The following UBE2E1 variants were observed in gnomAD, a reference collection of about 807,000 sequenced individuals.
The protein encoded by UBE2E1 is ubiquitin-conjugating enzyme E2 E1.
Under a neutral mutation model 21.4 loss-of-function variants are expected in UBE2E1, and 6 were observed. The observed-to-expected ratio is 0.28, with a 90% CI of 0.15 to 0.55. The LOEUF is 0.55. UBE2E1 is among the 20% of genes least tolerant of loss of function. The pLI is 0.93. For synonymous variants in UBE2E1, 87 were observed against 82.7 expected (o/e 1.05, Z -0.28); for missense variants, 142 against 236.5 (o/e 0.60, Z 2.62).
Position 23,815,184 on chromosome 3 carries a change from A to AT in UBE2E1, c.203+3676dup, listed in dbSNP as rs369046316. 5.2e-3 allele frequency among the ~76,000 whole-genome samples: 798 copies of AT among 152,188 alleles called. 8 individuals carry two copies. The highest frequency in any genetic ancestry group is 0.018 in the African/African-American group (751 of 41,540). On this transcript the variant is annotated intron_variant, in intron 3 of 5. Transcript: ENST00000306627. ...TTTTTGTAGAGACCAGGTTTTACCTATTGGCCAGGCTGATCTTAAACTCCT... is the reference window on the plus strand; with the variant it reads ...TTTTTGTAGAGACCAGGTTTTACCTATTTGGCCAGGCTGATCTTAAACTCCT...
intron 3 of UBE2E1, among the ~76,000 whole-genome samples, chr3:23,827,899 T>C (rs1430874481): frequency 1.3e-5 from 2 of 152,178 alleles, no homozygotes; most frequent in African/African-American, 2.4e-5. Flanking sequence ...CCAGCTTTTA[T>C]ATTTCCATCT....
intron 3 of UBE2E1, among the ~76,000 whole-genome samples, chr3:23,812,892 TATTAA>T (rs1269855877): frequency 5.3e-5 from 8 of 152,098 alleles, no homozygotes; most frequent in African/African-American, 1.7e-4. Flanking sequence ...ATGTGTGTGT[TATTAA>T]TAACATTGAT....
chr3:23,870,111 G>A lies in UBE2E1; in HGVS notation c.204-17456G>A, dbSNP rs1700752949. Among the ~76,000 whole-genome samples, 1 of 152,098 alleles carries A rather than the reference G, an allele frequency of 6.6e-6. No individual in the cohort carries two copies. Among genetic ancestry groups the A allele is most frequent in the Non-Finnish European group, 1.5e-5 (1 of 68,032 alleles). ...CTGGGCTGGGAAGGCCCACAGCTGA[G>A]GGCTGTAACACCTTGGGCTTCTTGG... On this transcript the variant is annotated intron_variant, in intron 3 of 5. Transcript: ENST00000306627. The surrounding 1 kb of genome is among the most constrained non-coding windows in gnomAD (Gnocchi z 4.2).
chr3:23,869,521 G>C (rs995921916), intron 3 of UBE2E1, among the ~76,000 whole-genome samples: 8 of 151,284 alleles, frequency 5.3e-5, no homozygotes, highest in Non-Finnish European at 1.2e-4. Flanking sequence ...CTTGTGAGAT[G>C]AGAGTTCAAA....
chr3:23,864,122 C>T (rs1428167612), intron 3 of UBE2E1, among the ~76,000 whole-genome samples: 2 of 152,180 alleles, frequency 1.3e-5, no homozygotes, highest in African/African-American at 2.4e-5. Context: ...TTCCCTAGCA[C>T]TTGATTGATA....
In UBE2E1 at chr3:23,842,513, A is replaced by G. The variant is rs1300644091; in HGVS notation, c.203+31003A>G. Among the ~76,000 whole-genome samples the G allele has an allele frequency of 6.6e-6, 1 of 152,042 alleles. No homozygotes were observed. Among genetic ancestry groups the G allele is most frequent in the Non-Finnish European group, 1.5e-5 (1 of 68,002 alleles). ...CCTTTTTATTTTATTATCATTTGCTATAAATATCACTAAACTTTGTCATCC... is the reference window on the plus strand; with the variant it reads ...CCTTTTTATTTTATTATCATTTGCTGTAAATATCACTAAACTTTGTCATCC... On this transcript the variant is annotated intron_variant, in intron 3 of 5. Transcript: ENST00000306627. The surrounding 1 kb of genome is among the most constrained non-coding windows in gnomAD (Gnocchi z 4.6).
intron 3 of UBE2E1, among the ~76,000 whole-genome samples, chr3:23,859,610 C>G (rs1395381153): frequency 6.6e-6 from 1 of 152,202 alleles, no homozygotes; most frequent in African/African-American, 2.4e-5. Context: ...TGAGTCCAGT[C>G]TTTGCCAGTT....
In UBE2E1 at chr3:23,811,486, C is replaced by T. The variant is rs1292550666; in HGVS notation, c.179C>T (p.Thr60Ile). The T allele has an allele frequency of 6.2e-7, 1 of 1,614,116 alleles. No homozygotes were observed. Among genetic ancestry groups the T allele is most frequent in the African/African-American group, 1.3e-5 (1 of 74,936 alleles). ...ATTCAGAAGGAGCTGGCGGACATCA[C>T]TTTAGACCCTCCACCTAATTGCAGG... is the stretch of plus-strand genomic sequence containing the variant. ...KRIQKELADI[T>I]LDPPPNCSAG... The change falls in exon 3 of 6, where the codon ACT becomes ATT. Residue 60 changes from threonine (T) to isoleucine (I), a missense_variant. Physicochemically the swap from Thr to Ile is moderately conservative, Grantham distance 89. Coordinates refer to ENST00000306627, the MANE Select transcript of UBE2E1 (RefSeq NM_003341.5).
intron 3 of UBE2E1, among the ~76,000 whole-genome samples, chr3:23,824,961 A>G (rs1293398993): frequency 6.6e-6 from 1 of 152,192 alleles, no homozygotes; most frequent in Non-Finnish European, 1.5e-5. Flanking sequence ...TGTATATATC[A>G]ATTATTATGG....
intron 3 of UBE2E1, among the ~76,000 whole-genome samples, chr3:23,869,013 A>G (rs1029132628): frequency 9.9e-5 from 15 of 152,192 alleles, no homozygotes; most frequent in Admixed American, 4.6e-4. Context: ...TTTTCATCAT[A>G]TATAAGTAAG....
intron 3 of UBE2E1, among the ~76,000 whole-genome samples, chr3:23,834,649 A>AC (rs1395106131): frequency 6.6e-6 from 1 of 151,996 alleles, no homozygotes; most frequent in East Asian, 1.9e-4. Context: ...GGATTTCTTG[A>AC]CCCCAGGAGT....
At position 23,853,847 on chromosome 3, in the gene UBE2E1, C is replaced by T. The variant is rs1700379030; in HGVS notation, c.204-33720C>T. 6.6e-6 allele frequency among the ~76,000 whole-genome samples: 1 copy of T among 152,112 alleles called. No homozygotes were observed. Among genetic ancestry groups the T allele is most frequent in the African/African-American group, 2.4e-5 (1 of 41,420 alleles). ...CATATGTTATTTGTTCACCCAACAT[C>T]CCCCTGGGGTACCAACACTCCTCAT... On this transcript the variant is annotated intron_variant, in intron 3 of 5. Transcript: ENST00000306627. The surrounding 1 kb of genome is among the most constrained non-coding windows in gnomAD (Gnocchi z 4.1).
intron 3 of UBE2E1, among the ~76,000 whole-genome samples, chr3:23,835,432 A>G (rs766337621): frequency 2.0e-5 from 3 of 151,826 alleles, no homozygotes; most frequent in Non-Finnish European, 4.4e-5. Context: ...ATGCCAGTAC[A>G]CTCCAGCCTG....
Position 23,807,401 on chromosome 3 carries a change from C to T in UBE2E1, c.132C>T (p.Leu44=), listed in dbSNP as rs200438173. Reference sequence around the variant, plus strand: ...TCAGCATGAGCAAAAACTCCAAACTCCTCTCCACCAGCGCCAAGAGGTACT... The same window carrying T: ...TCAGCATGAGCAAAAACTCCAAACTTCTCTCCACCAGCGCCAAGAGGTACT... ...SKVSMSKNSK[L]LSTSAKRIQK... is the part of the protein sequence containing the mutation. Residue 44 remains leucine (L), a synonymous_variant, in exon 2 of 6, where the codon CTC becomes CTT. Transcript: ENST00000306627. 1.9e-6 allele frequency: 3 copies of T among 1,613,156 alleles called. No homozygotes were observed. Among genetic ancestry groups the T allele is most frequent in the Non-Finnish European group, 2.5e-6 (3 of 1,179,680 alleles).
Position 23,842,250 on chromosome 3 carries a change from G to GTGTTGT in UBE2E1, c.203+30749_203+30754dup, listed in dbSNP as rs56041132. Among the ~76,000 whole-genome samples the GTGTTGT allele has an allele frequency of 6.5e-4, 56 of 86,364 alleles. No individual in the cohort carries two copies. Among genetic ancestry groups the GTGTTGT allele is most frequent in the African/African-American group, 1.8e-3 (38 of 21,702 alleles). 56.7% of individuals were successfully genotyped at this position (86,364 alleles called of 152,430 possible). A position where few individuals can be genotyped will look rare whatever the true frequency, so the allele number is the denominator to read the frequency against. ...GTGTGTGTGTGTGTGTGTGTGTGTG[G>GTGTTGT]TGTTGTTGTTGTTGGCGACAGGGTC... On this transcript the variant is annotated intron_variant, in intron 3 of 5. Coordinates refer to ENST00000306627, the MANE Select transcript of UBE2E1 (RefSeq NM_003341.5). This position sits in a 1 kb window ranked among gnomAD's most constrained non-coding sequence, Gnocchi z 4.6.
chr3:23,833,063 G>A (rs537362601), intron 3 of UBE2E1, among the ~76,000 whole-genome samples: 10 of 152,152 alleles, frequency 6.6e-5, no homozygotes, highest in Non-Finnish European at 1.3e-4. Context: ...AAAATATAAA[G>A]TATTCAAGTT....
chr3:23,821,298 A>G (rs1038791479), intron 3 of UBE2E1, among the ~76,000 whole-genome samples: 1 of 152,248 alleles, frequency 6.6e-6, no homozygotes, highest in African/African-American at 2.4e-5. Flanking sequence ...CATTTGGTCA[A>G]AGACCTAAAA....
intron 3 of UBE2E1, among the ~76,000 whole-genome samples, chr3:23,830,885 CTT>C (rs1699853249): frequency 6.6e-6 from 1 of 152,176 alleles, no homozygotes; most frequent in Admixed American, 6.5e-5. Flanking sequence ...GTTCTAAGGA[CTT>C]TGAACATTAG....
intron 3 of UBE2E1, among the ~76,000 whole-genome samples, chr3:23,872,727 A>C (rs753201797): frequency 3.9e-5 from 6 of 152,226 alleles, no homozygotes; most frequent in Non-Finnish European, 7.3e-5. Context: ...TTTCAAAATT[A>C]AACAGCCTAG....
Sources: allele counts gnomAD v4.1 joint callset (sites outside exome capture counted in the v4.1 genomes callset), GRCh38; gene constraint gnomAD v4.1.1; non-coding constraint Gnocchi (gnomAD v3.1); transcripts MANE v1.5; gene names NCBI Gene and HGNC (gene_info 2026-07-23, HGNC 2026-07-21).